The following PDS5B variants were observed in gnomAD, a reference collection of about 807,000 sequenced individuals.
PDS5B encodes PDS5 cohesin associated factor B.
Under a neutral mutation model 184.1 loss-of-function variants are expected in PDS5B, and 51 were observed. The observed-to-expected ratio is 0.28, with a 90% CI of 0.22 to 0.35. The LOEUF is 0.35. PDS5B is among the 10% of genes least tolerant of loss of function. PDS5B has a pLI of 1.00. For synonymous variants in PDS5B, 566 were observed against 569.2 expected (o/e 0.99, Z 0.08); for missense variants, 1,180 against 1,723.3 (o/e 0.68, Z 5.58).
chr13:32,682,176 T>C (rs1431126146), intron 10 of PDS5B, among the ~76,000 whole-genome samples: 1 of 151,840 alleles, frequency 6.6e-6, no homozygotes, highest in African/African-American at 2.4e-5. Flanking sequence ...TACAGTTTCC[T>C]TTTTTTTAAC....
At chr13:32,629,497 C>T (rs1047049354) in intron 1 of PDS5B, among the ~76,000 whole-genome samples, 5 of 152,134 alleles carry the variant, frequency 3.3e-5, no homozygotes, top group African/African-American at 9.7e-5. Flanking sequence ...GGTTAAAACT[C>T]ACTTCTGTGT....
chr13:32,657,498 G>A (rs1950546685), intron 3 of PDS5B, among the ~76,000 whole-genome samples: 1 of 152,118 alleles, frequency 6.6e-6, no homozygotes, highest in South Asian at 2.1e-4. Context: ...ATACAGTTGG[G>A]CCTTGCTTCT....
intron 13 of PDS5B, 97 bp downstream of exon 13, chr13:32,688,666 T>C: frequency 1.3e-6 from 1 of 781,928 alleles, no homozygotes; most frequent in South Asian, 1.4e-5. Flanking sequence ...TAAAATGTAA[T>C]CTATGTAGTG....
chr13:32,592,866 T>C (rs1032355306), intron 1 of PDS5B, among the ~76,000 whole-genome samples: 2 of 152,190 alleles, frequency 1.3e-5, no homozygotes, highest in Non-Finnish European at 2.9e-5. Context: ...TTATCTCCTC[T>C]AGCTAAACAA....
At chr13:32,621,143 A>G (rs2058295583) in intron 1 of PDS5B, among the ~76,000 whole-genome samples, 1 of 152,198 alleles carries the variant, frequency 6.6e-6, no homozygotes, top group Admixed American at 6.5e-5. Flanking sequence ...ATGAGTTTTC[A>G]TGTCAAACTT....
chr13:32,594,435 G>T (rs1271738189), intron 1 of PDS5B, among the ~76,000 whole-genome samples: 2 of 152,332 alleles, frequency 1.3e-5, no homozygotes, highest in Admixed American at 6.5e-5. Flanking sequence ...GTATATTCAA[G>T]TGGGAGGAAA....
chr13:32,639,632 T>A (rs1304356856), intron 1 of PDS5B, among the ~76,000 whole-genome samples: 1 of 152,216 alleles, frequency 6.6e-6, no homozygotes, highest in East Asian at 1.9e-4. Flanking sequence ...TGGTTGTCCC[T>A]CAACAAGAAT....
At chr13:32,703,163 G>C (rs898453773) in intron 17 of PDS5B, among the ~76,000 whole-genome samples, 2 of 152,044 alleles carry the variant, frequency 1.3e-5, no homozygotes, top group African/African-American at 4.8e-5. Context: ...AAAAATCAAG[G>C]CCTATCAAGT....
chr13:32,594,364 A>G (rs772142601), intron 1 of PDS5B, among the ~76,000 whole-genome samples: 2 of 152,234 alleles, frequency 1.3e-5, no homozygotes, highest in Admixed American at 1.3e-4. Flanking sequence ...CATACTGTGC[A>G]AGGATGTGGT....
intron 1 of PDS5B, among the ~76,000 whole-genome samples, chr13:32,630,699 A>G (rs1428873282): frequency 6.6e-6 from 1 of 151,794 alleles, no homozygotes; most frequent in East Asian, 1.9e-4. Context: ...TGCATGGTTT[A>G]TCATCATTCT....
At chr13:32,631,431 A>G (rs570209997) in intron 1 of PDS5B, among the ~76,000 whole-genome samples, 1 of 152,270 alleles carries the variant, frequency 6.6e-6, no homozygotes, top group East Asian at 1.9e-4. Flanking sequence ...TAACACATAC[A>G]TTGACATTTG....
At chr13:32,757,746 C>T (rs900845643) in intron 26 of PDS5B, among the ~76,000 whole-genome samples, 2 of 152,156 alleles carry the variant, frequency 1.3e-5, no homozygotes, top group African/African-American at 2.4e-5. Context: ...ATCCGTGGCC[C>T]CACTATTCCT....
At chr13:32,708,667 A>G (rs1027253890) in intron 18 of PDS5B, among the ~76,000 whole-genome samples, 6 of 152,216 alleles carry the variant, frequency 3.9e-5, no homozygotes, top group African/African-American at 1.4e-4. Flanking sequence ...TGATAAGCAA[A>G]AATAATGTTT....
chr13:32,770,521 A>G lies in PDS5B; in HGVS notation c.4025A>G (p.Lys1342Arg). The change falls in exon 32 of 35, where the codon AAA becomes AGA. Residue 1342 changes from lysine to arginine, a missense_variant. Lys to Arg is a conservative substitution (Grantham distance 26). Around this residue, in one of 11 missense-constraint regions of PDS5B, gnomAD observed 465 missense variants for 497.8 expected, o/e 0.93. Coordinates refer to ENST00000315596, the MANE Select transcript of PDS5B (RefSeq NM_015032.4). ...RQSGNTEQKS[K>R]SKQHRVSRRA... ...AGTGGAAATACGGAACAGAAGTCCA[A>G]AAGCAAACAGCACCGAGTGTCAAGG... The G allele has an allele frequency of 6.2e-7, 1 of 1,609,940 alleles. No homozygotes were observed. Among genetic ancestry groups the G allele is most frequent in the Non-Finnish European group, 8.5e-7 (1 of 1,179,092 alleles).
intron 19 of PDS5B, among the ~76,000 whole-genome samples, chr13:32,716,846 G>A (rs1198497355): frequency 7.6e-6 from 1 of 131,716 alleles, no homozygotes; most frequent in Non-Finnish European, 1.7e-5. Context: ...GGAGGTTGGG[G>A]GGTCAGCCCC....
At chr13:32,756,339 C>T (rs932477918) in intron 26 of PDS5B, among the ~76,000 whole-genome samples, 8 of 152,104 alleles carry the variant, frequency 5.3e-5, no homozygotes, top group Non-Finnish European at 1.0e-4. Flanking sequence ...TTTTTCTTTG[C>T]AATAACTATC....
intron 1 of PDS5B, among the ~76,000 whole-genome samples, chr13:32,648,389 C>G (rs996397089): frequency 6.6e-6 from 1 of 152,124 alleles, no homozygotes; most frequent in African/African-American, 2.4e-5. Flanking sequence ...TCCCAGTGTT[C>G]CCACTTACTT....
chr13:32,721,289 G>T (rs1952675880), intron 19 of PDS5B, among the ~76,000 whole-genome samples: 1 of 151,376 alleles, frequency 6.6e-6, no homozygotes, highest in African/African-American at 2.4e-5. Context: ...CTCCCAGACG[G>T]GGTGGCTGCC....
chr13:32,729,696 A>G (rs1465458549), intron 19 of PDS5B, among the ~76,000 whole-genome samples: 12 of 152,198 alleles, frequency 7.9e-5, no homozygotes, highest in Non-Finnish European at 1.0e-4. Flanking sequence ...TCTAATGACC[A>G]GTGATGATGG....
Sources: gnomAD v4.1 joint callset for allele counts (sites outside exome capture counted in the v4.1 genomes callset) on GRCh38, gnomAD v4.1.1 for gene constraint, gnomAD v4.1.1 regional missense constraint, MANE v1.5 for transcripts, NCBI Gene and HGNC (gene_info 2026-07-23, HGNC 2026-07-21) for gene names.